The following CA6 variants were observed in gnomAD, a reference collection of about 807,000 sequenced individuals.
CA6 encodes carbonate dehydratase VI.
Under a neutral mutation model 35.9 loss-of-function variants are expected in CA6, and 28 were observed. The ratio of observed to expected loss-of-function variants is 0.78; its 90% CI spans 0.58 to 1.07. The LOEUF (loss-of-function observed/expected upper bound fraction) is 1.07, where lower values mean the gene tolerates loss of function less well. CA6 is among the 50% of genes least tolerant of loss of function. CA6 has a pLI of 0.00. For synonymous variants in CA6, 148 were observed against 152.6 expected (o/e 0.97, Z 0.22); for missense variants, 377 against 382.0 (o/e 0.99, Z 0.11).
intron 1 of CA6, among the ~76,000 whole-genome samples, chr1:8,946,206 T>C (rs568195353): frequency 6.6e-6 from 1 of 152,148 alleles, no homozygotes; most frequent in African/African-American, 2.4e-5. Context: ...CCTGGCTAAT[T>C]TTTGTATTTT....
At chr1:8,960,557 T>C (rs925772780) in intron 4 of CA6, among the ~76,000 whole-genome samples, 2 of 150,946 alleles carry the variant, frequency 1.3e-5, no homozygotes, top group East Asian at 1.9e-4. Flanking sequence ...AGTTGAAAAG[T>C]ACAATAAACA....
At chr1:8,970,205 C>CAAAAAA (rs57388930) in intron 6 of CA6, among the ~76,000 whole-genome samples, 2 of 88,038 alleles carry the variant, frequency 2.3e-5, no homozygotes, top group African/African-American at 4.4e-5. Flanking sequence ...ACTCTGGTCT[C>CAAAAAA]AAAAAAAAAA....
At chr1:8,966,566 T>C (rs1639973128) in intron 5 of CA6, among the ~76,000 whole-genome samples, 1 of 152,190 alleles carries the variant, frequency 6.6e-6, no homozygotes, top group African/African-American at 2.4e-5. Flanking sequence ...CTTCCAATAA[T>C]AATCAAACTT....
At chr1:8,972,636 T>C (rs762881172) in intron 7 of CA6, among the ~76,000 whole-genome samples, 134 of 152,096 alleles carry the variant, frequency 8.8e-4, no homozygotes, top group Non-Finnish European at 1.3e-3. Flanking sequence ...TGAGCCGAGA[T>C]TGCGCCACTG....
intron 7 of CA6, among the ~76,000 whole-genome samples, chr1:8,971,907 C>A (rs113923548): frequency 0.019 from 2,857 of 152,310 alleles, 105 homozygotes; most frequent in African/African-American, 0.065. Flanking sequence ...GCCTCCTCAT[C>A]TTTATTTTGT....
Position 8,974,288 on chromosome 1 carries a change from G to T in CA6, c.845-334G>T, listed in dbSNP as rs192896447. 307 of 1,171,816 alleles carry T rather than the reference G, an allele frequency of 2.6e-4. No individual in the cohort carries two copies. The African/African-American group carries it at 4.3e-3, about 16-fold the overall frequency. The allele number at this position is 1,171,816 out of a possible 1,614,324, so 72.6% of individuals were successfully genotyped here. On this transcript the variant is annotated intron_variant, in intron 7 of 7. Transcript: ENST00000377443. ...CCAAGGTCAGTTACAAAAACAAGAC[G>T]ATGGCCAAATACGGACCTCTTGCGA...
At position 8,973,725 on chromosome 1, in the gene CA6, TTTCTTTCTTTCTTTC is replaced by T. The variant is rs1239065581; in HGVS notation, c.845-894_845-880del. ...TTCTTTCTCTCTCTTTCTTTCTTTC[TTTCTTTCTTTCTTTC>T]TTTCTTTCTTTCTTTCTTTCTTTCT... On this transcript the variant is annotated intron_variant, in intron 7 of 7. Transcript: ENST00000377443. Among the ~76,000 whole-genome samples, 3 of 15,510 alleles carry T rather than the reference TTTCTTTCTTTCTTTC, an allele frequency of 1.9e-4. No homozygotes were observed. In the Admixed American group the frequency reaches 2.3e-3, roughly 12 times the overall value. 10.2% of individuals were successfully genotyped at this position (15,510 alleles called of 152,430 possible). A position where few individuals can be genotyped will look rare whatever the true frequency, so the allele number is the denominator to read the frequency against.
intron 4 of CA6, among the ~76,000 whole-genome samples, chr1:8,959,950 A>AAAAAAAAAAAAAAAAAT (rs1557626625): frequency 1.4e-5 from 2 of 144,688 alleles, no homozygotes; most frequent in African/African-American, 5.1e-5. Context: ...AAAAAAAAAA[A>AAAAAAAAAAAAAAAAAT]GCTGGGCGCG....
intron 5 of CA6, 143 bp from the exon 6 acceptor site, chr1:8,967,516 C>T: frequency 1.5e-6 from 1 of 655,474 alleles, no homozygotes; most frequent in Non-Finnish European, 2.6e-6. Flanking sequence ...AAGAAGTAAA[C>T]TGGGAAATTG....
intron 4 of CA6, among the ~76,000 whole-genome samples, chr1:8,959,357 C>T (rs576290220): frequency 6.6e-6 from 1 of 151,772 alleles, no homozygotes; most frequent in South Asian, 2.1e-4. Context: ...TCTTGTCACC[C>T]AGGTTGGAGT....
chr1:8,972,920 T>C (rs1025246406), intron 7 of CA6, among the ~76,000 whole-genome samples: 2 of 152,160 alleles, frequency 1.3e-5, no homozygotes, highest in African/African-American at 4.8e-5. Flanking sequence ...TTATACCATA[T>C]ACAACATTAA....
At chr1:8,966,991 A>AAC (rs1225630520) in intron 5 of CA6, among the ~76,000 whole-genome samples, 2 of 151,610 alleles carry the variant, frequency 1.3e-5, no homozygotes, top group African/African-American at 4.9e-5. Context: ...AATAATAAAA[A>AAC]AAACAACTTA....
chr1:8,958,134 C>T (rs937855797), intron 3 of CA6, among the ~76,000 whole-genome samples: 4 of 152,068 alleles, frequency 2.6e-5, no homozygotes, highest in African/African-American at 9.7e-5. Flanking sequence ...GCAAGCCCTC[C>T]TTTGTTTCAG....
rs1394351174 is a variant in CA6 at position 8,974,255 on chromosome 1, T to C, written c.845-367T>C. The C allele has an allele frequency of 1.4e-5, 11 of 792,780 alleles. No individual in the cohort carries two copies. The Admixed American group carries it at 3.6e-4, about 26-fold the overall frequency. The allele number at this position is 792,780 out of a possible 1,614,324, so 49.1% of individuals were successfully genotyped here. ...GATTAACCCACCTGCAAGGAGTGAA[T>C]TGAGAAACCAAGGTCAGTTACAAAA... is the stretch of plus-strand genomic sequence containing the variant. On this transcript the variant is annotated intron_variant, in intron 7 of 7. Coordinates refer to ENST00000377443, the MANE Select transcript of CA6 (RefSeq NM_001215.4).
chr1:8,951,581 G>C lies in CA6; in HGVS notation c.259+2139G>C. On this transcript the variant is annotated intron_variant, in intron 2 of 7. Transcript: ENST00000377443. ...TCTATGGGCAACGCTTGCTGAGTGC[G>C]GGCTTCGTGCTGAGGGCCCAGAAGA... is the stretch of plus-strand genomic sequence containing the variant. 5 of 765,176 alleles carry C rather than the reference G, an allele frequency of 6.5e-6. No individual in the cohort carries two copies. In the South Asian group the frequency reaches 6.7e-5, roughly 10 times the overall value. 47.4% of individuals were successfully genotyped at this position (765,176 alleles called of 1,614,324 possible).
At chr1:8,960,544 T>C (rs138392853) in intron 4 of CA6, among the ~76,000 whole-genome samples, 1 of 151,792 alleles carries the variant, frequency 6.6e-6, no homozygotes, top group Non-Finnish European at 1.5e-5. Context: ...ATGGAAAGTC[T>C]AGAGTTGAAA....
intron 2 of CA6, 85 bp from the exon 3 acceptor site, chr1:8,957,052 A>G (rs945691370): frequency 4.9e-6 from 6 of 1,217,562 alleles, no homozygotes; most frequent in Middle Eastern, 4.2e-4. Context: ...GACAGGTGGG[A>G]GGTGAGCAGA....
intron 7 of CA6, among the ~76,000 whole-genome samples, chr1:8,971,805 C>T (rs1640118043): frequency 6.6e-6 from 1 of 152,256 alleles, no homozygotes; most frequent in Non-Finnish European, 1.5e-5. Flanking sequence ...GCAGGCCAGC[C>T]TCCGCTGCAT....
chr1:8,964,679 C>T (rs771225199), intron 5 of CA6, among the ~76,000 whole-genome samples: 1 of 152,220 alleles, frequency 6.6e-6, no homozygotes, highest in Non-Finnish European at 1.5e-5. Flanking sequence ...TCCCCCAGTT[C>T]TCTGGCTCCC....
Sources: allele counts gnomAD v4.1 joint callset (sites outside exome capture counted in the v4.1 genomes callset), GRCh38; gene constraint gnomAD v4.1.1; transcripts MANE v1.5; gene names NCBI Gene and HGNC (gene_info 2026-07-23, HGNC 2026-07-21).